Variants in TP63 observed in about 807,000 individuals in gnomAD.
The protein encoded by TP63 is tumor protein 63.
Under a neutral mutation model 82.8 loss-of-function variants are expected in TP63, and 17 were observed. That is an observed-to-expected ratio of 0.21 (90% CI 0.14 to 0.31). The LOEUF (loss-of-function observed/expected upper bound fraction) is 0.31, where lower values mean the gene tolerates loss of function less well. Among genes scored for constraint, TP63 ranks in the 10% least tolerant of loss-of-function variants. The pLI is 1.00. For missense variants in TP63, 648 were observed against 895.3 expected (o/e 0.72, Z 3.52); for synonymous variants, 330 against 321.7 (o/e 1.03, Z -0.28).
chr3:189,686,046 G>A (rs1371815067), intron 1 of TP63, among the ~76,000 whole-genome samples: 1 of 152,152 alleles, frequency 6.6e-6, no homozygotes, highest in African/African-American at 2.4e-5. Context: ...TTCTTCTCTT[G>A]TAAAATGAGG....
intron 1 of TP63, among the ~76,000 whole-genome samples, chr3:189,640,453 T>C (rs1711731637): frequency 6.6e-6 from 1 of 152,174 alleles, no homozygotes; most frequent in Non-Finnish European, 1.5e-5. Context: ...GAAATATTAA[T>C]GCACGATTTA....
intron 4 of TP63, among the ~76,000 whole-genome samples, chr3:189,842,365 G>GA (rs566193967): frequency 2.5e-4 from 38 of 152,288 alleles, no homozygotes; most frequent in Non-Finnish European, 4.9e-4. Context: ...TACAGGGCTG[G>GA]AAATTAGAAG....
At chr3:189,873,503 G>A in intron 10 of TP63, 1 of 175,780 alleles carries the variant, frequency 5.7e-6, no homozygotes, top group Non-Finnish European at 1.2e-5. Flanking sequence ...GAGACCTAGT[G>A]CATGATAATT....
At chr3:189,659,487 A>G (rs912170692) in intron 1 of TP63, among the ~76,000 whole-genome samples, 2 of 152,004 alleles carry the variant, frequency 1.3e-5, no homozygotes, top group Admixed American at 1.3e-4. Context: ...CACCTTGATT[A>G]ATTCTGTGCC....
At chr3:189,891,439 T>C (rs1282214933) in intron 13 of TP63, among the ~76,000 whole-genome samples, 1 of 152,216 alleles carries the variant, frequency 6.6e-6, no homozygotes, top group Admixed American at 6.5e-5. Context: ...TCCTCTCAAT[T>C]AAAACTATAT....
At chr3:189,697,439 T>C (rs188271240) in intron 1 of TP63, among the ~76,000 whole-genome samples, 2 of 152,082 alleles carry the variant, frequency 1.3e-5, no homozygotes, top group Non-Finnish European at 2.9e-5. Context: ...CCAAATGTCT[T>C]GATTACTGCA....
At chr3:189,615,734 T>A in the TP63 span, among the ~76,000 whole-genome samples, 1 of 152,198 alleles carries the variant, frequency 6.6e-6, no homozygotes, top group Non-Finnish European at 1.5e-5. Flanking sequence ...TTTATGTCGT[T>A]ACCTCAGGCC....
Position 189,896,975 on chromosome 3 carries a change from CCT to C in TP63, c.*2474_*2475del, listed in dbSNP as rs1491221297. On this transcript the variant is annotated 3_prime_UTR_variant, in exon 14 of 14. Transcript: ENST00000264731. The stretch of plus-strand genomic sequence containing the variant: ...GCAGAGTTTTCATTAAATCCTTTTA[CCT>C]TTTTTTTTTCTTGGTAATCCCCTAA... 4 of 225,802 alleles carry C rather than the reference CCT, an allele frequency of 1.8e-5. No individual in the cohort carries two copies. The highest frequency in any genetic ancestry group is 3.5e-5 in the Non-Finnish European group (4 of 113,570). 14.0% of individuals were successfully genotyped at this position (225,802 alleles called of 1,614,324 possible). A position where few individuals can be genotyped will look rare whatever the true frequency, so the allele number is the denominator to read the frequency against.
the TP63 span, among the ~76,000 whole-genome samples, chr3:189,605,758 T>G: frequency 2.6e-5 from 4 of 152,140 alleles, no homozygotes; most frequent in South Asian, 2.1e-4. Context: ...TTAGTTTAGA[T>G]CCATTAATGG....
At chr3:189,745,863 A>G (rs189520040) in intron 3 of TP63, among the ~76,000 whole-genome samples, 4 of 151,968 alleles carry the variant, frequency 2.6e-5, no homozygotes, top group Non-Finnish European at 4.4e-5. Flanking sequence ...AAAAAATAAC[A>G]CAGTTAGATA....
chr3:189,707,607 A>G (rs898133451), intron 1 of TP63, among the ~76,000 whole-genome samples: 1 of 152,204 alleles, frequency 6.6e-6, no homozygotes, highest in African/African-American at 2.4e-5. Flanking sequence ...CATATGTCAT[A>G]GTAAAACCTT....
At chr3:189,887,293 T>G (rs1164201365) in intron 11 of TP63, among the ~76,000 whole-genome samples, 1 of 152,106 alleles carries the variant, frequency 6.6e-6, no homozygotes, top group Non-Finnish European at 1.5e-5. Context: ...AAGTTACTTC[T>G]CGAATACTTA....
rs1359172777 is a variant in TP63, at chr3:189,635,815, A to G, written c.62+4238A>G. Among the ~76,000 whole-genome samples the G allele has an allele frequency of 3.3e-5, 5 of 152,092 alleles. No individual in the cohort carries two copies. The East Asian group carries it at 9.6e-4, about 29-fold the overall frequency. The stretch of plus-strand genomic sequence containing the variant: ...TCTTTTTCCTGCCAGGATCATGACA[A>G]CTACACACATTAAAAAAGTATGCCA... On this transcript the variant is annotated intron_variant, in intron 1 of 13. Transcript: ENST00000264731.
chr3:189,791,429 AT>A lies in TP63; in HGVS notation c.325-16840del, dbSNP rs1242632030. 2.0e-5 allele frequency among the ~76,000 whole-genome samples: 3 copies of A among 152,220 alleles called. No homozygotes were observed. In the East Asian group the frequency reaches 5.8e-4, roughly 30 times the overall value. ...TGATTAGAGGATATTTGTAGAAATT[AT>A]TTCCTTTTATGGAGGCAAAAGAGTC... On this transcript the variant is annotated intron_variant, in intron 3 of 13. Transcript: ENST00000264731.
At chr3:189,667,961 T>C (rs1249728966) in intron 1 of TP63, among the ~76,000 whole-genome samples, 1 of 152,082 alleles carries the variant, frequency 6.6e-6, no homozygotes, top group Non-Finnish European at 1.5e-5. Flanking sequence ...CAGTCGAGAT[T>C]TGACCCACAG....
At chr3:189,780,085 G>T (rs1724114101) in intron 3 of TP63, among the ~76,000 whole-genome samples, 1 of 152,138 alleles carries the variant, frequency 6.6e-6, no homozygotes, top group South Asian at 2.1e-4. Flanking sequence ...CAAGAAGACA[G>T]ATCCTAGCAA....
In TP63 at chr3:189,891,707, T is replaced by C. The variant is rs577605450; in HGVS notation, c.1746+825T>C. 8.9e-4 allele frequency among the ~76,000 whole-genome samples: 135 copies of C among 152,286 alleles called. 1 individual carries two copies. Among genetic ancestry groups the C allele is most frequent in the African/African-American group, 3.0e-3 (126 of 41,556 alleles). On this transcript the variant is annotated intron_variant, in intron 13 of 13. Coordinates refer to ENST00000264731, the MANE Select transcript of TP63 (RefSeq NM_003722.5). ...ACTTTTTCTTGCTTCCTACTCCACT[T>C]TTTGAACTCCTGCTCACACGGGAGC...
intron 9 of TP63, among the ~76,000 whole-genome samples, chr3:189,870,314 G>GA (rs1235426527): frequency 2.6e-5 from 4 of 151,400 alleles, no homozygotes; most frequent in East Asian, 3.9e-4. Context: ...AAAATAGTTG[G>GA]AAAAAAACAA....
chr3:189,873,134 A>C (rs1041246094), intron 10 of TP63, 139 bp downstream of exon 10: 1 of 1,355,788 alleles, frequency 7.4e-7, no homozygotes, highest in East Asian at 2.3e-5. Flanking sequence ...CTGGTATGGC[A>C]ACCCTCTTTC....
Sources: allele counts gnomAD v4.1 joint callset (sites outside exome capture counted in the v4.1 genomes callset), GRCh38; gene constraint gnomAD v4.1.1; transcripts MANE v1.5; gene names NCBI Gene and HGNC (gene_info 2026-07-23, HGNC 2026-07-21).